Variants in GRIK4 observed in about 807,000 individuals in gnomAD.
GRIK4 encodes glutamate receptor ionotropic, kainate 4.
GRIK4 carries 40 observed loss-of-function variants against 104.9 expected under a neutral mutation model. The observed-to-expected ratio is 0.38, with a 90% CI of 0.30 to 0.50. The LOEUF (loss-of-function observed/expected upper bound fraction) is 0.50. GRIK4 is among the 20% of genes least tolerant of loss of function. GRIK4 has a pLI of 0.93. For missense variants in GRIK4, 1,047 were observed against 1,308.1 expected (o/e 0.80, Z 3.08); for synonymous variants, 485 against 524.9 (o/e 0.92, Z 1.04).
At chr11:120,774,535 T>G (rs1005280087) in intron 3 of GRIK4, among the ~76,000 whole-genome samples, 8 of 152,296 alleles carry the variant, frequency 5.3e-5, no homozygotes, top group African/African-American at 1.9e-4. Flanking sequence ...TTTCTTCTCT[T>G]AAGTAAGTCC....
At chr11:120,944,304 TCTCA>T (rs2134659430) in intron 14 of GRIK4, among the ~76,000 whole-genome samples, 1 of 152,010 alleles carries the variant, frequency 6.6e-6, no homozygotes, top group East Asian at 1.9e-4. Flanking sequence ...CCCTGGATAA[TCTCA>T]CTCCCTCCCA....
chr11:120,966,239 TGA>T (rs1285414153), intron 18 of GRIK4, among the ~76,000 whole-genome samples: 2 of 152,204 alleles, frequency 1.3e-5, no homozygotes, highest in Non-Finnish European at 2.9e-5. Flanking sequence ...CAGGCAGTGC[TGA>T]GAGTGAGGAA....
intron 1 of GRIK4, among the ~76,000 whole-genome samples, chr11:120,575,175 G>A (rs1295000619): frequency 6.6e-6 from 1 of 152,146 alleles, no homozygotes; most frequent in Non-Finnish European, 1.5e-5. Context: ...GCACGTTCAT[G>A]CTGGGATCCT....
intron 8 of GRIK4, among the ~76,000 whole-genome samples, chr11:120,846,771 A>G (rs1294895716): frequency 5.9e-5 from 9 of 152,178 alleles, no homozygotes; most frequent in Admixed American, 5.9e-4. Flanking sequence ...AGACCTTTCA[A>G]CTCTGAAATT....
rs1591684962 is a variant in GRIK4 at position 120,544,373 on chromosome 11, C to T, written c.-159+32486C>T. 2.0e-5 allele frequency among the ~76,000 whole-genome samples: 3 copies of T among 152,178 alleles called. 1 individual carries two copies. Reference sequence around the variant, plus strand: ...TGAGATGGAGTCTTGCTCTGTCACCCAGGCTAGAGTGCAGTGGCATGATCT... The same window carrying T: ...TGAGATGGAGTCTTGCTCTGTCACCTAGGCTAGAGTGCAGTGGCATGATCT... On this transcript the variant is annotated intron_variant, in intron 1 of 20. Transcript: ENST00000527524.
At chr11:120,859,884 A>G (rs546536215) in intron 8 of GRIK4, among the ~76,000 whole-genome samples, 3 of 152,226 alleles carry the variant, frequency 2.0e-5, no homozygotes, top group Non-Finnish European at 2.9e-5. Flanking sequence ...GGTGGCTTCA[A>G]AGGAAGCTTG....
At chr11:120,811,226 A>G (rs1444398686) in intron 4 of GRIK4, among the ~76,000 whole-genome samples, 3 of 152,228 alleles carry the variant, frequency 2.0e-5, no homozygotes, top group Non-Finnish European at 4.4e-5. Context: ...GAATGTTTTT[A>G]TTATAGCATT....
chr11:120,698,973 C>G lies in GRIK4; in HGVS notation c.82+38573C>G, dbSNP rs551893415. On this transcript the variant is annotated intron_variant, in intron 3 of 20. Transcript: ENST00000527524. ...TGTCCTTCATAAATGTTTCATCACT[C>G]TCCCTGCCATAATTGTTAAAATGGG... Among the ~76,000 whole-genome samples the G allele has an allele frequency of 3.5e-3, 540 of 152,382 alleles. 6 individuals are homozygous for G. The highest frequency in any genetic ancestry group is 0.022 in the Admixed American group (344 of 15,310).
chr11:120,827,760 A>G (rs1953305891), intron 6 of GRIK4, among the ~76,000 whole-genome samples: 1 of 152,200 alleles, frequency 6.6e-6, no homozygotes, highest in Admixed American at 6.5e-5. Flanking sequence ...AAAGACATCA[A>G]CGTTTTACTA....
intron 11 of GRIK4, among the ~76,000 whole-genome samples, chr11:120,878,280 A>G (rs1201089230): frequency 6.6e-6 from 1 of 152,214 alleles, no homozygotes; most frequent in African/African-American, 2.4e-5. Context: ...CCTCACAGCT[A>G]TGAATTCCAG....
intron 4 of GRIK4, among the ~76,000 whole-genome samples, chr11:120,804,996 A>C (rs1952686048): frequency 6.6e-6 from 1 of 152,222 alleles, no homozygotes; most frequent in Non-Finnish European, 1.5e-5. Context: ...GGGCCAAAAT[A>C]GTCCCTCATT....
chr11:120,875,510 A>G (rs193252869), intron 11 of GRIK4, among the ~76,000 whole-genome samples: 4 of 152,138 alleles, frequency 2.6e-5, no homozygotes, highest in Admixed American at 6.5e-5. Context: ...AAGGGGGGGA[A>G]TTCCCAGGGA....
chr11:120,637,087 A>C (rs557779572), intron 1 of GRIK4, among the ~76,000 whole-genome samples: 8 of 152,126 alleles, frequency 5.3e-5, no homozygotes, highest in Middle Eastern at 6.8e-3. Context: ...AAGAGTCGTG[A>C]AGAATAGAAG....
chr11:120,623,132 T>C (rs924731600), intron 1 of GRIK4, among the ~76,000 whole-genome samples: 1 of 152,132 alleles, frequency 6.6e-6, no homozygotes, highest in Non-Finnish European at 1.5e-5. Context: ...AGCCAGCCCC[T>C]GTACTCTTTT....
At chr11:120,929,689 G>T (rs1166298579) in intron 13 of GRIK4, among the ~76,000 whole-genome samples, 7 of 152,082 alleles carry the variant, frequency 4.6e-5, no homozygotes, top group Non-Finnish European at 8.8e-5. Flanking sequence ...ACACCCCTCC[G>T]CTGATAGCTG....
At chr11:120,981,500 G>C (rs1316039115) in intron 19 of GRIK4, among the ~76,000 whole-genome samples, 1 of 152,152 alleles carries the variant, frequency 6.6e-6, no homozygotes, top group African/African-American at 2.4e-5. Context: ...GTAGGTCTGG[G>C]GTAAGGACTG....
At chr11:120,663,254 A>C (rs1309635231) in intron 3 of GRIK4, among the ~76,000 whole-genome samples, 1 of 152,178 alleles carries the variant, frequency 6.6e-6, no homozygotes, top group African/African-American at 2.4e-5. Flanking sequence ...TGTCATTCTT[A>C]GATCCGGAAG....
At chr11:120,758,847 A>T (rs1249681286) in intron 3 of GRIK4, among the ~76,000 whole-genome samples, 1 of 152,222 alleles carries the variant, frequency 6.6e-6, no homozygotes, top group East Asian at 1.9e-4. Flanking sequence ...CGTGAAACAT[A>T]GTCTGGGAAA....
chr11:120,857,510 A>G (rs1270353608), intron 8 of GRIK4, among the ~76,000 whole-genome samples: 10 of 146,100 alleles, frequency 6.8e-5, no homozygotes, highest in Admixed American at 2.7e-4. Context: ...ATGCACACAC[A>G]CACACACACA....
Sources: allele counts gnomAD v4.1 joint callset (sites outside exome capture counted in the v4.1 genomes callset), GRCh38; gene constraint gnomAD v4.1.1; transcripts MANE v1.5; gene names NCBI Gene and HGNC (gene_info 2026-07-23, HGNC 2026-07-21).